The following HCN1 variants were observed in gnomAD, a reference collection of about 807,000 sequenced individuals.
HCN1 encodes potassium/sodium hyperpolarization-activated cyclic nucleotide-gated channel 1.
A neutral mutation model predicts 78.9 loss-of-function variants in HCN1; 13 were observed. The observed-to-expected ratio is 0.16, with a 90% confidence interval of 0.11 to 0.26. The LOEUF is 0.26. HCN1 is among the 10% of genes least tolerant of loss of function. The pLI, the probability that HCN1 is intolerant of heterozygous loss-of-function variation, is 1.00. For missense variants in HCN1, 810 were observed against 1,154.3 expected (o/e 0.70, Z 4.32); for synonymous variants, 552 against 455.5 (o/e 1.21, Z -2.70).
chr5:45,369,155 T>A (rs1015247243), intron 4 of HCN1, among the ~76,000 whole-genome samples: 2 of 151,946 alleles, frequency 1.3e-5, no homozygotes, highest in Non-Finnish European at 2.9e-5. Context: ...GTTGCATATA[T>A]CCGTAGATAT....
chr5:45,656,459 C>T (rs1745765816), intron 1 of HCN1, among the ~76,000 whole-genome samples: 1 of 152,184 alleles, frequency 6.6e-6, no homozygotes, highest in African/African-American at 2.4e-5. Flanking sequence ...GACAACACTG[C>T]AAACATTCAT....
At chr5:45,567,907 G>A (rs1743742723) in intron 2 of HCN1, among the ~76,000 whole-genome samples, 1 of 94,668 alleles carries the variant, frequency 1.1e-5, no homozygotes, top group Admixed American at 1.4e-4. Context: ...TTTCATATGT[G>A]AAGTACACAC....
At chr5:45,570,940 T>C (rs956667896) in intron 2 of HCN1, among the ~76,000 whole-genome samples, 3 of 152,172 alleles carry the variant, frequency 2.0e-5, no homozygotes, top group Admixed American at 2.0e-4. Context: ...TATTTCATAC[T>C]ATTAAAATAA....
At chr5:45,693,815 A>G (rs904297484) in intron 1 of HCN1, among the ~76,000 whole-genome samples, 2 of 151,738 alleles carry the variant, frequency 1.3e-5, no homozygotes. Flanking sequence ...AAAAAATAAA[A>G]GCATCATATG....
intron 3 of HCN1, among the ~76,000 whole-genome samples, chr5:45,397,875 A>C (rs1193453057): frequency 6.6e-6 from 1 of 151,692 alleles, no homozygotes; most frequent in Non-Finnish European, 1.5e-5. Context: ...AGATTATCAA[A>C]ATTTATACAA....
chr5:45,472,365 A>T (rs1312544758), intron 2 of HCN1, among the ~76,000 whole-genome samples: 1 of 151,866 alleles, frequency 6.6e-6, no homozygotes, highest in Non-Finnish European at 1.5e-5. Flanking sequence ...TGTTTAATGC[A>T]TTGCTATAAT....
intron 6 of HCN1, among the ~76,000 whole-genome samples, chr5:45,283,544 T>C (rs1260002294): frequency 6.6e-6 from 1 of 152,022 alleles, no homozygotes; most frequent in African/African-American, 2.4e-5. Context: ...TGAAAAAAGC[T>C]CAATATCATT....
At chr5:45,668,334 A>T (rs1040019738) in intron 1 of HCN1, among the ~76,000 whole-genome samples, 5 of 151,744 alleles carry the variant, frequency 3.3e-5, no homozygotes, top group African/African-American at 1.2e-4. Flanking sequence ...CTGTTCTCAT[A>T]ATAGGAAGTT....
intron 2 of HCN1, among the ~76,000 whole-genome samples, chr5:45,590,420 T>A (rs1204984595): frequency 6.6e-6 from 1 of 152,204 alleles, no homozygotes; most frequent in Non-Finnish European, 1.5e-5. Context: ...TGCAGTGGAA[T>A]GTTTGTGAGG....
At chr5:45,428,563 T>C (rs1740397550) in intron 3 of HCN1, among the ~76,000 whole-genome samples, 1 of 152,152 alleles carries the variant, frequency 6.6e-6, no homozygotes, top group Non-Finnish European at 1.5e-5. Context: ...TAATAGCTAA[T>C]TTATATACAC....
intron 2 of HCN1, among the ~76,000 whole-genome samples, chr5:45,573,218 T>G (rs528608509): frequency 5.6e-4 from 86 of 152,242 alleles, no homozygotes; most frequent in African/African-American, 1.9e-3. Flanking sequence ...TTCTTCGAAA[T>G]CTATTACTCT....
intron 1 of HCN1, among the ~76,000 whole-genome samples, chr5:45,652,577 A>G (rs956871931): frequency 2.0e-4 from 31 of 151,940 alleles, no homozygotes; most frequent in African/African-American, 6.5e-4. Context: ...AACCTCTACT[A>G]TGAAGTTAGG....
chr5:45,373,749 C>A (rs1446605240), intron 4 of HCN1, among the ~76,000 whole-genome samples: 1 of 118,678 alleles, frequency 8.4e-6, no homozygotes, highest in African/African-American at 3.4e-5. Flanking sequence ...TAATATATTA[C>A]ATACGGTATA....
At chr5:45,352,589 C>A (rs934812818) in intron 5 of HCN1, among the ~76,000 whole-genome samples, 1 of 151,844 alleles carries the variant, frequency 6.6e-6, no homozygotes, top group Non-Finnish European at 1.5e-5. Flanking sequence ...CAGGAGTGAT[C>A]TGAATATTCT....
chr5:45,500,710 C>A (rs1451516700), intron 2 of HCN1, among the ~76,000 whole-genome samples: 1 of 152,088 alleles, frequency 6.6e-6, no homozygotes, highest in East Asian at 1.9e-4. Context: ...ACAAGGTTTG[C>A]AAAATCACAC....
intron 2 of HCN1, among the ~76,000 whole-genome samples, chr5:45,514,668 C>T (rs951689465): frequency 6.6e-6 from 1 of 152,084 alleles, no homozygotes; most frequent in East Asian, 1.9e-4. Flanking sequence ...CATCCTGCCT[C>T]AGCTTGGAAT....
intron 3 of HCN1, among the ~76,000 whole-genome samples, chr5:45,421,933 C>G (rs568534343): frequency 6.6e-6 from 1 of 152,260 alleles, no homozygotes; most frequent in South Asian, 2.1e-4. Context: ...ACAGGACACA[C>G]TACCCCAAAA....
intron 3 of HCN1, among the ~76,000 whole-genome samples, chr5:45,432,892 GTGT>G (rs1354134000): frequency 8.6e-5 from 13 of 152,040 alleles, no homozygotes; most frequent in Non-Finnish European, 1.9e-4. Flanking sequence ...GGCAAACGAG[GTGT>G]TTGCCTCATG....
intron 4 of HCN1, among the ~76,000 whole-genome samples, chr5:45,367,364 C>A (rs894719538): frequency 6.6e-6 from 1 of 151,250 alleles, no homozygotes; most frequent in African/African-American, 2.4e-5. Flanking sequence ...GTATTTTGTA[C>A]ACATACATGT....
Sources: gnomAD v4.1 joint callset for allele counts (sites outside exome capture counted in the v4.1 genomes callset) on GRCh38, gnomAD v4.1.1 for gene constraint, MANE v1.5 for transcripts, NCBI Gene and HGNC (gene_info 2026-07-23, HGNC 2026-07-21) for gene names.